ADGRB1: variants seen among roughly 807,000 people sequenced by gnomAD.
The protein encoded by ADGRB1 is adhesion G protein-coupled receptor B1.
ADGRB1 carries 36 observed loss-of-function variants against 175.7 expected under a neutral mutation model. The ratio of observed to expected loss-of-function variants is 0.20; its 90% confidence interval spans 0.16 to 0.27. ADGRB1 has a LOEUF of 0.27. ADGRB1 is among the 10% of genes least tolerant of loss of function. ADGRB1 has a pLI of 1.00. For missense variants in ADGRB1, 1,731 were observed against 2,255.3 expected (o/e 0.77, Z 4.71); for synonymous variants, 1,054 against 979.4 (o/e 1.08, Z -1.42).
chr8:142,537,805 C>G lies in ADGRB1; in HGVS notation c.3666+723C>G, dbSNP rs554679315. Among the ~76,000 whole-genome samples the G allele has an allele frequency of 1.3e-4, 20 of 152,286 alleles. No homozygotes were observed. Among genetic ancestry groups the G allele is most frequent in the African/African-American group, 4.6e-4 (19 of 41,556 alleles). Reference sequence around the variant, plus strand: ...TCCTACGTAAGGGCCCCCAACAGCCCCCTGTGGAGCCTCAACTCTTCCACA... The same window carrying G: ...TCCTACGTAAGGGCCCCCAACAGCCGCCTGTGGAGCCTCAACTCTTCCACA... On this transcript the variant is annotated intron_variant, in intron 26 of 30. Transcript: ENST00000517894. This position sits in a 1 kb window ranked among gnomAD's most constrained non-coding sequence, Gnocchi z 4.6.
In ADGRB1 at chr8:142,511,992, A is replaced by T. The variant is rs1843133979; in HGVS notation, c.2817+919A>T. The stretch of plus-strand genomic sequence containing the variant: ...TGGCCCTTGGGGAACCCCGGGTTCG[A>T]TGTAGAAGGTAGCGCCTAGCCTCTC... On this transcript the variant is annotated intron_variant, in intron 18 of 30. Coordinates refer to ENST00000517894, the MANE Select transcript of ADGRB1 (RefSeq NM_001702.3). The surrounding 1 kb of genome is among the most constrained non-coding windows in gnomAD (Gnocchi z 4.5). Among the ~76,000 whole-genome samples the T allele has an allele frequency of 6.6e-6, 1 of 152,170 alleles. No individual in the cohort carries two copies. Among genetic ancestry groups the T allele is most frequent in the African/African-American group, 2.4e-5 (1 of 41,438 alleles).
intron 6 of ADGRB1, 107 bp downstream of exon 6, chr8:142,477,656 C>A: frequency 1.4e-6 from 2 of 1,385,286 alleles, no homozygotes; most frequent in Non-Finnish European, 9.6e-7. Flanking sequence ...TCCAGACCCA[C>A]CTCAGGGTGC....
chr8:142,487,679 C>G (rs1366075325), intron 13 of ADGRB1, among the ~76,000 whole-genome samples: 1 of 152,222 alleles, frequency 6.6e-6, no homozygotes, highest in Non-Finnish European at 1.5e-5. Flanking sequence ...TCCCCAAACT[C>G]TCTTCCCGTC....
chr8:142,494,825 G>A (rs746718434), intron 17 of ADGRB1, among the ~76,000 whole-genome samples: 12 of 151,980 alleles, frequency 7.9e-5, no homozygotes, highest in South Asian at 2.1e-4. Flanking sequence ...AGCCTGGCTT[G>A]TAGTGCTGAG....
Position 142,477,437 on chromosome 8 carries a change from T to C in ADGRB1, c.1275T>C (p.Cys425=). ...CCTGGAGCCTCTGCTCCAGCACCTG[T>C]GGCCGTGGCTTTCGGGATCGCACGC... ...WSPWSLCSST[C]GRGFRDRTRT... The change falls in exon 6 of 31, where the codon TGT becomes TGC. Residue 425 remains cysteine, a synonymous_variant. Coordinates refer to ENST00000517894, the MANE Select transcript of ADGRB1 (RefSeq NM_001702.3). The C allele has an allele frequency of 6.2e-7, 1 of 1,612,094 alleles. No homozygotes were observed. Among genetic ancestry groups the C allele is most frequent in the Non-Finnish European group, 8.5e-7 (1 of 1,179,778 alleles).
At chr8:142,454,989 T>C (rs937673880) in intron 1 of ADGRB1, among the ~76,000 whole-genome samples, 1 of 151,624 alleles carries the variant, frequency 6.6e-6, no homozygotes, top group Non-Finnish European at 1.5e-5. Flanking sequence ...CTGCATGGGT[T>C]TCACAAACAC....
At chr8:142,475,009 G>A (rs1022377796) in intron 2 of ADGRB1, among the ~76,000 whole-genome samples, 3 of 152,168 alleles carry the variant, frequency 2.0e-5, no homozygotes, top group African/African-American at 4.8e-5. Flanking sequence ...CCCTGGTGAT[G>A]AGGGTGGTGA....
intron 20 of ADGRB1, among the ~76,000 whole-genome samples, chr8:142,521,221 G>A (rs1056603242): frequency 9.9e-5 from 15 of 152,154 alleles, no homozygotes; most frequent in East Asian, 3.9e-4. Flanking sequence ...CAGTGGACTC[G>A]GCCTCAGCTC....
intron 17 of ADGRB1, among the ~76,000 whole-genome samples, chr8:142,502,157 G>GT (rs1842604197): frequency 6.6e-6 from 1 of 151,992 alleles, no homozygotes. Context: ...GGTGATGATG[G>GT]GGTGGTGGTA....
intron 20 of ADGRB1, 53 bp from the exon 21 acceptor site, chr8:142,521,912 G>A: frequency 6.5e-7 from 1 of 1,537,296 alleles, no homozygotes; most frequent in Non-Finnish European, 8.7e-7. Flanking sequence ...GTGGGGACAG[G>A]TGTGGGGCCG....
In ADGRB1 at chr8:142,539,495, C is replaced by A; in HGVS notation, c.3706+82C>A. 2.7e-6 allele frequency: 4 copies of A among 1,505,158 alleles called. No homozygotes were observed. In the South Asian group the frequency reaches 3.6e-5, roughly 14 times the overall value. The allele number at this position is 1,505,158 out of a possible 1,614,324, so 93.2% of individuals were successfully genotyped here. A position where few individuals can be genotyped will look rare whatever the true frequency, so the allele number is the denominator to read the frequency against. On this transcript the variant is annotated intron_variant, in intron 27 of 30. Coordinates refer to ENST00000517894, the MANE Select transcript of ADGRB1 (RefSeq NM_001702.3). ...TCCACGCCTCCGCCTGTGCCTCCCC[C>A]ACATCACCCATCCCTGTCCACTCCT...
In ADGRB1 at chr8:142,543,350, G is replaced by A. The variant is rs745655233; in HGVS notation, c.4414-53G>A. The A allele has an allele frequency of 1.8e-5, 29 of 1,609,308 alleles. 1 individual carries two copies. Among genetic ancestry groups the A allele is most frequent in the South Asian group, 1.1e-4 (10 of 90,346 alleles). ...CCCTCAGTCTGAGGCAGGGAGAGGC[G>A]TGGACTTGTCAGGGACCCTTGGCGA... On this transcript the variant is annotated intron_variant, in intron 28 of 30. Coordinates refer to ENST00000517894, the MANE Select transcript of ADGRB1 (RefSeq NM_001702.3). This position sits in a 1 kb window ranked among gnomAD's most constrained non-coding sequence, Gnocchi z 4.4.
chr8:142,497,255 C>T (rs1842262200), intron 17 of ADGRB1, among the ~76,000 whole-genome samples: 1 of 152,196 alleles, frequency 6.6e-6, no homozygotes, highest in Non-Finnish European at 1.5e-5. Context: ...TGTCCTGGCT[C>T]GGGACCCAGA....
intron 25 of ADGRB1, among the ~76,000 whole-genome samples, chr8:142,533,892 C>A (rs964022274): frequency 6.6e-6 from 1 of 152,234 alleles, no homozygotes; most frequent in Admixed American, 6.5e-5. Context: ...CCAACTACCG[C>A]CTGGCTGGTG....
intron 1 of ADGRB1, among the ~76,000 whole-genome samples, chr8:142,454,384 T>C (rs75115813): frequency 0.045 from 6,824 of 152,264 alleles, 236 homozygotes; most frequent in African/African-American, 0.095. Context: ...CGAAAACCTG[T>C]GTCCCATTGT....
At chr8:142,533,941 G>A (rs2132231943) in intron 25 of ADGRB1, among the ~76,000 whole-genome samples, 1 of 152,350 alleles carries the variant, frequency 6.6e-6, no homozygotes, top group East Asian at 1.9e-4. Flanking sequence ...TGGAATGTGG[G>A]AAAGCATGCA....
At chr8:142,471,694 G>C (rs1476183374) in intron 2 of ADGRB1, among the ~76,000 whole-genome samples, 1 of 152,264 alleles carries the variant, frequency 6.6e-6, no homozygotes, top group Admixed American at 6.5e-5. Flanking sequence ...AGCTCACCTG[G>C]GAAGTGGCCT....
At chr8:142,516,076 G>GTACA (rs1457805401) in intron 18 of ADGRB1, among the ~76,000 whole-genome samples, 1 of 152,220 alleles carries the variant, frequency 6.6e-6, no homozygotes. Flanking sequence ...GTGGCACCTG[G>GTACA]TACACTTGGG....
At chr8:142,522,257 G>T in intron 21 of ADGRB1, 142 bp downstream of exon 21, 2 of 1,204,968 alleles carry the variant, frequency 1.7e-6, no homozygotes, top group Non-Finnish European at 2.3e-6. Flanking sequence ...CCCCCTCTGG[G>T]CCCTCGTTCT....
Sources: allele counts gnomAD v4.1 joint callset (sites outside exome capture counted in the v4.1 genomes callset), GRCh38; gene constraint gnomAD v4.1.1; non-coding constraint Gnocchi (gnomAD v3.1); transcripts MANE v1.5; gene names NCBI Gene and HGNC (gene_info 2026-07-23, HGNC 2026-07-21).